Variants in ERO1A observed in about 807,000 individuals in gnomAD.
ERO1A encodes endoplasmic reticulum oxidoreductase 1 alpha, also known as ERO1-like protein alpha.
Under a neutral mutation model 76.9 loss-of-function variants are expected in ERO1A, and 49 were observed. The observed-to-expected ratio is 0.64, with a 90% CI of 0.51 to 0.81. The LOEUF (loss-of-function observed/expected upper bound fraction) is 0.81. ERO1A is among the 30% of genes least tolerant of loss of function. The pLI, the probability that ERO1A is intolerant of heterozygous loss-of-function variation, is 0.00. For missense variants in ERO1A, 448 were observed against 542.1 expected (o/e 0.83, Z 1.72); for synonymous variants, 174 against 181.2 (o/e 0.96, Z 0.32).
At chr14:52,695,151 G>A (rs1041973483) in intron 1 of ERO1A, among the ~76,000 whole-genome samples, 4 of 152,204 alleles carry the variant, frequency 2.6e-5, no homozygotes, top group Non-Finnish European at 5.9e-5. Context: ...CCTGGTCCGA[G>A]GCACCGGAGG....
chr14:52,676,104 T>C (rs2040774936), intron 4 of ERO1A, among the ~76,000 whole-genome samples: 1 of 152,244 alleles, frequency 6.6e-6, no homozygotes, highest in South Asian at 2.1e-4. Flanking sequence ...TTATGGCCTT[T>C]AGGAATAGTG....
rs1233195967 is a variant in ERO1A, at chr14:52,640,618, G to C, written c.*2952C>G. On this transcript the variant is annotated 3_prime_UTR_variant, in exon 16 of 16. Coordinates refer to ENST00000395686, the MANE Select transcript of ERO1A (RefSeq NM_014584.3). ...ACATTGAGCAACAGAGAGGAGACCA[G>C]CTAGGTATAGGAGGCAGGTTAGTAC... The C allele has an allele frequency of 2.0e-5, 3 of 152,334 alleles. No homozygotes were observed. The East Asian group carries it at 5.8e-4, about 29-fold the overall frequency. The allele number at this position is 152,334 out of a possible 1,614,324, so 9.4% of individuals were successfully genotyped here. A position where few individuals can be genotyped will look rare whatever the true frequency, so the allele number is the denominator to read the frequency against.
In ERO1A at chr14:52,671,632, T is replaced by A; in HGVS notation, c.506A>T (p.Asp169Val). 2 of 1,599,590 alleles carry A rather than the reference T, an allele frequency of 1.3e-6. No homozygotes were observed. The highest frequency in any genetic ancestry group is 1.7e-6 in the Non-Finnish European group (2 of 1,170,278). ...DDSSDNFCEA[D>V]DIQSPEAEYV... ...GCATACTATCAAAAATATTATACCA[T>A]CAGCTTCACAGAAGTTATCTGAAGA... is the stretch of plus-strand genomic sequence containing the variant. The change falls in exon 6 of 16, where the codon GAT becomes GTT. Residue 169 changes from aspartate to valine, a missense_variant and splice_region_variant. Physicochemically the swap from Asp to Val is radical, Grantham distance 152. Around this residue, in one of 2 missense-constraint regions of ERO1A, gnomAD observed 302 missense variants for 411.9 expected, o/e 0.73. Coordinates refer to ENST00000395686, the MANE Select transcript of ERO1A (RefSeq NM_014584.3).
intron 7 of ERO1A, chr14:52,664,056 C>A (rs772545235): frequency 5.4e-6 from 2 of 373,044 alleles, no homozygotes; most frequent in Non-Finnish European, 1.0e-5. Context: ...ATTGTGGCGG[C>A]CAGCAGGCCA....
intron 6 of ERO1A, among the ~76,000 whole-genome samples, chr14:52,668,981 T>C (rs1406712241): frequency 6.6e-6 from 1 of 152,070 alleles, no homozygotes; most frequent in Non-Finnish European, 1.5e-5. Flanking sequence ...TTGGCCCTTA[T>C]AGGAAAATGC....
At chr14:52,661,026 G>A (rs954174255) in intron 9 of ERO1A, among the ~76,000 whole-genome samples, 8 of 152,132 alleles carry the variant, frequency 5.3e-5, no homozygotes, top group Non-Finnish European at 1.2e-4. Context: ...TGGGGGAGAC[G>A]GGGAGTGGAC....
At chr14:52,658,773 G>A (rs940382108) in intron 9 of ERO1A, among the ~76,000 whole-genome samples, 4 of 152,000 alleles carry the variant, frequency 2.6e-5, no homozygotes, top group Admixed American at 2.6e-4. Context: ...AGTGAACATG[G>A]TAAAATAACA....
At chr14:52,665,459 AAC>A (rs201914881) in intron 7 of ERO1A, among the ~76,000 whole-genome samples, 1,540 of 152,140 alleles carry the variant, frequency 0.01, 19 homozygotes, top group African/African-American at 0.034. Context: ...CAAAAAAAAA[AAC>A]ACCACAGTCT....
intron 9 of ERO1A, among the ~76,000 whole-genome samples, chr14:52,659,244 A>G (rs1313143199): frequency 1.3e-5 from 2 of 152,226 alleles, no homozygotes; most frequent in African/African-American, 4.8e-5. Context: ...GAAAAAATAC[A>G]TATGGTAATA....
chr14:52,652,359 A>G (rs1282042921), intron 12 of ERO1A, 51 bp from the exon 13 acceptor site: 3 of 1,268,236 alleles, frequency 2.4e-6, no homozygotes, highest in Non-Finnish European at 2.3e-6. Context: ...AAATATTAAA[A>G]GTCCTGCTAA....
intron 6 of ERO1A, among the ~76,000 whole-genome samples, chr14:52,668,547 G>GA (rs973576882): frequency 2.0e-5 from 3 of 150,106 alleles, no homozygotes; most frequent in Non-Finnish European, 3.0e-5. Context: ...CTCTGCCTCG[G>GA]AAAAAAAATA....
intron 9 of ERO1A, among the ~76,000 whole-genome samples, chr14:52,660,926 C>G (rs1288823103): frequency 4.6e-5 from 7 of 152,208 alleles, no homozygotes; most frequent in Admixed American, 4.6e-4. Flanking sequence ...AATCAATACT[C>G]ATCATGCCCA....
intron 15 of ERO1A, among the ~76,000 whole-genome samples, chr14:52,645,649 G>A (rs1297280922): frequency 6.6e-6 from 1 of 152,014 alleles, no homozygotes; most frequent in African/African-American, 2.4e-5. Flanking sequence ...AATTGTATAT[G>A]TCTACATACT....
chr14:52,653,437 A>T, intron 11 of ERO1A, 122 bp from the exon 12 acceptor site: 1 of 687,640 alleles, frequency 1.5e-6, no homozygotes. Flanking sequence ...TATAATAACA[A>T]CCAAGAAAAT....
At chr14:52,693,150 A>C (rs551840756) in intron 1 of ERO1A, among the ~76,000 whole-genome samples, 127 of 151,998 alleles carry the variant, frequency 8.4e-4, no homozygotes, top group South Asian at 3.1e-3. Context: ...ATTTTGAGGC[A>C]GACTCTCACT....
chr14:52,688,270 C>A (rs1490283000), intron 1 of ERO1A, among the ~76,000 whole-genome samples: 5 of 151,982 alleles, frequency 3.3e-5, no homozygotes, highest in African/African-American at 1.2e-4. Context: ...ATCTCCCAAG[C>A]AAAACAGCAA....
chr14:52,663,741 T>G, intron 8 of ERO1A, 60 bp downstream of exon 8: 1 of 1,005,232 alleles, frequency 9.9e-7, no homozygotes, highest in Non-Finnish European at 1.6e-6. Flanking sequence ...GCCTTCCCCT[T>G]CCTTTGAATT....
At chr14:52,657,895 A>C in intron 11 of ERO1A, 22 bp downstream of exon 11, 1 of 1,523,768 alleles carries the variant, frequency 6.6e-7, no homozygotes, top group Non-Finnish European at 9.0e-7. Context: ...TGGTAGACTG[A>C]ATAAAAGTAA....
rs2039939390 is a variant in ERO1A, at chr14:52,653,309, C to G, written c.815G>C (p.Trp272Ser). 1.3e-6 allele frequency: 2 copies of G among 1,590,938 alleles called. No homozygotes were observed. The highest frequency in any genetic ancestry group is 2.7e-5 in the African/African-American group (2 of 73,774). ...LSARYLLQETWLEKKWGHNIT... is the reference protein window; with the variant it reads ...LSARYLLQETSLEKKWGHNIT... ...GTTGTGTCCCCATTTCTTTTCTAAC[C>G]AGGTCTCTAAGAAGGAAGAAGAATT... Residue 272 changes from tryptophan (W) to serine (S), a missense_variant, in exon 12 of 16, where the codon TGG becomes TCG. By Grantham distance (177) the Trp-to-Ser change is radical. Around this residue, in one of 2 missense-constraint regions of ERO1A, gnomAD observed 302 missense variants for 411.9 expected, o/e 0.73. Coordinates refer to ENST00000395686, the MANE Select transcript of ERO1A (RefSeq NM_014584.3).
Sources: gnomAD v4.1 joint callset for allele counts (sites outside exome capture counted in the v4.1 genomes callset) on GRCh38, gnomAD v4.1.1 for gene constraint, gnomAD v4.1.1 regional missense constraint, MANE v1.5 for transcripts, NCBI Gene and HGNC (gene_info 2026-07-23, HGNC 2026-07-21) for gene names.